The following LYPLAL1 variants were observed in gnomAD, a reference collection of about 807,000 sequenced individuals.
The protein encoded by LYPLAL1 is lysophospholipase-like protein 1.
LYPLAL1 carries 23 observed loss-of-function variants against 19.7 expected under a neutral mutation model. The ratio of observed to expected loss-of-function variants is 1.17; its 90% CI spans 0.84 to 1.65. The LOEUF is 1.65. Ranked by LOEUF, LYPLAL1 falls within the 40% of genes most tolerant of loss-of-function variation. LYPLAL1 has a pLI of 0.00. For missense variants in LYPLAL1, 355 were observed against 279.4 expected (o/e 1.27, Z -1.93); for synonymous variants, 119 against 96.3 (o/e 1.24, Z -1.38).
the LYPLAL1 span, among the ~76,000 whole-genome samples, chr1:219,424,294 A>C: frequency 1.3e-5 from 2 of 152,212 alleles, no homozygotes; most frequent in Non-Finnish European, 2.9e-5. Flanking sequence ...GGAGAAAGTC[A>C]AATATATTAG....
At chr1:219,390,610 A>G in the LYPLAL1 span, among the ~76,000 whole-genome samples, 2 of 152,230 alleles carry the variant, frequency 1.3e-5, no homozygotes, top group Non-Finnish European at 2.9e-5. Flanking sequence ...CCCGTTCAGC[A>G]TCAAGAGAAT....
chr1:219,187,762 A>C (rs1656842746), intron 2 of LYPLAL1, among the ~76,000 whole-genome samples: 1 of 151,734 alleles, frequency 6.6e-6, no homozygotes, highest in Non-Finnish European at 1.5e-5. Flanking sequence ...TTACTCCATC[A>C]CTTAGAATTC....
the LYPLAL1 span, among the ~76,000 whole-genome samples, chr1:219,339,958 ATT>A: frequency 4.6e-5 from 7 of 151,958 alleles, no homozygotes; most frequent in Admixed American, 1.3e-4. Flanking sequence ...CTGTTCATCA[ATT>A]TCTCCCTTTC....
chr1:219,237,116 TAAA>T, the LYPLAL1 span, among the ~76,000 whole-genome samples: 1 of 152,186 alleles, frequency 6.6e-6, no homozygotes, highest in African/African-American at 2.4e-5. Context: ...TAAGACAACA[TAAA>T]AAGTCAGCTC....
At chr1:219,372,097 G>T in the LYPLAL1 span, among the ~76,000 whole-genome samples, 1 of 151,962 alleles carries the variant, frequency 6.6e-6, no homozygotes, top group Non-Finnish European at 1.5e-5. Flanking sequence ...ATGGCTTATT[G>T]CTACACCTTC....
intron 2 of LYPLAL1, among the ~76,000 whole-genome samples, chr1:219,182,424 G>C (rs1656365177): frequency 6.6e-6 from 1 of 151,956 alleles, no homozygotes; most frequent in South Asian, 2.1e-4. Flanking sequence ...AAGGATAGTT[G>C]CTACCTTCCA....
At chr1:219,245,047 T>A in the LYPLAL1 span, among the ~76,000 whole-genome samples, 2 of 150,964 alleles carry the variant, frequency 1.3e-5, no homozygotes, top group Non-Finnish European at 3.0e-5. Context: ...TTCCTTCTCT[T>A]TCCTTTTCTT....
chr1:219,368,006 T>C, the LYPLAL1 span, among the ~76,000 whole-genome samples: 6 of 151,782 alleles, frequency 4.0e-5, no homozygotes, highest in Non-Finnish European at 7.4e-5. Flanking sequence ...AAGTATAAGC[T>C]GAAGTAAGAA....
At chr1:219,301,390 T>G in the LYPLAL1 span, among the ~76,000 whole-genome samples, 1 of 152,160 alleles carries the variant, frequency 6.6e-6, no homozygotes, top group Non-Finnish European at 1.5e-5. Context: ...CTTTCCAAAT[T>G]TCAAGCTATC....
chr1:219,271,527 A>T, the LYPLAL1 span: 1 of 152,212 alleles, frequency 6.6e-6, no homozygotes, highest in Non-Finnish European at 1.5e-5. Context: ...GAATATTGCC[A>T]ATTAAAAGAA....
chr1:219,390,757 A>C, the LYPLAL1 span, among the ~76,000 whole-genome samples: 2 of 152,090 alleles, frequency 1.3e-5, no homozygotes, highest in African/African-American at 2.4e-5. Flanking sequence ...TATGACTTGC[A>C]TGCATTATGC....
the LYPLAL1 span, among the ~76,000 whole-genome samples, chr1:219,232,500 A>G: frequency 6.6e-6 from 1 of 152,062 alleles, no homozygotes; most frequent in Non-Finnish European, 1.5e-5. Context: ...GTATGACAGC[A>G]AAAGCATAAG....
At chr1:219,238,012 A>G in the LYPLAL1 span, among the ~76,000 whole-genome samples, 2 of 151,974 alleles carry the variant, frequency 1.3e-5, no homozygotes, top group Non-Finnish European at 2.9e-5. Context: ...AGACTTTGCA[A>G]TTATTGCATG....
chr1:219,401,134 C>T, the LYPLAL1 span, among the ~76,000 whole-genome samples: 3 of 151,844 alleles, frequency 2.0e-5, no homozygotes, highest in Non-Finnish European at 4.4e-5. Context: ...TTTATTCAGG[C>T]TCCAAAAACA....
the LYPLAL1 span, among the ~76,000 whole-genome samples, chr1:219,347,821 C>T: frequency 6.6e-6 from 1 of 151,878 alleles, no homozygotes; most frequent in South Asian, 2.1e-4. Flanking sequence ...CATATTTTCC[C>T]TTCTTTTTCA....
the LYPLAL1 span, among the ~76,000 whole-genome samples, chr1:219,255,272 CAAT>C: frequency 9.2e-5 from 14 of 151,614 alleles, no homozygotes; most frequent in Admixed American, 2.6e-4. Flanking sequence ...TAATTTCTCT[CAAT>C]AATGTTTTTG....
the LYPLAL1 span, among the ~76,000 whole-genome samples, chr1:219,245,122 CT>C: frequency 2.7e-4 from 40 of 148,874 alleles, no homozygotes; most frequent in African/African-American, 9.9e-4. Flanking sequence ...CTTCTGTTCT[CT>C]TTTTTCTTCT....
chr1:219,425,924 G>A, the LYPLAL1 span, among the ~76,000 whole-genome samples: 1 of 152,154 alleles, frequency 6.6e-6, no homozygotes, highest in African/African-American at 2.4e-5. Flanking sequence ...GGAAAGTTCT[G>A]TAGCTCTTGA....
At chr1:219,395,107 G>A in the LYPLAL1 span, among the ~76,000 whole-genome samples, 4 of 152,204 alleles carry the variant, frequency 2.6e-5, no homozygotes, top group Admixed American at 6.5e-5. Context: ...GTCTTTATGA[G>A]ATAGCCACTT....
Sources: allele counts gnomAD v4.1 joint callset (sites outside exome capture counted in the v4.1 genomes callset), GRCh38; gene constraint gnomAD v4.1.1; transcripts MANE v1.5; gene names NCBI Gene and HGNC (gene_info 2026-07-23, HGNC 2026-07-21).